NDUFA10: variants seen among roughly 807,000 people sequenced by gnomAD.
NDUFA10 encodes the protein NADH:ubiquinone oxidoreductase subunit A10, also known as NADH dehydrogenase [ubiquinone] 1 alpha subcomplex subunit 10, mitochondrial.
A neutral mutation model predicts 47.8 loss-of-function variants in NDUFA10; 40 were observed. The ratio of observed to expected loss-of-function variants is 0.84; its 90% CI spans 0.65 to 1.09. The LOEUF (loss-of-function observed/expected upper bound fraction) is 1.09. Among genes scored for constraint, NDUFA10 ranks in the 50% least tolerant of loss-of-function variants. The probability of loss-of-function intolerance (pLI) is 0.00; values close to 1 mark genes in which losing one functional copy is unlikely to be tolerated. For synonymous variants in NDUFA10, 183 were observed against 172.2 expected, an observed-to-expected ratio of 1.06 and a Z score of -0.49; for missense variants, 413 against 451.1, an observed-to-expected ratio of 0.92 and a Z score of 0.76.
chr2:239,965,048 G>A lies in NDUFA10; in HGVS notation c.1000-3862C>T, dbSNP rs1695003772. ...GACCAGCCACGCAGGTCTGTTCACA[G>A]CAGTACTGACAGAGGAAGGGCTGGG... On this transcript the variant is annotated intron_variant, in intron 9 of 9. Transcript: ENST00000252711. Among the ~76,000 whole-genome samples, 3 of 152,186 alleles carry A rather than the reference G, an allele frequency of 2.0e-5. No homozygotes were observed. In the South Asian group the frequency reaches 6.2e-4, roughly 32 times the overall value.
chr2:239,979,908 T>C (rs1222122559), intron 9 of NDUFA10, among the ~76,000 whole-genome samples: 1 of 152,094 alleles, frequency 6.6e-6, no homozygotes, highest in Admixed American at 6.6e-5. Flanking sequence ...CACCTCACCA[T>C]GACGGGCTCT....
chr2:240,014,484 C>T (rs941415121), intron 5 of NDUFA10: 88 of 512,328 alleles, frequency 1.7e-4, no homozygotes, highest in Middle Eastern at 5.6e-4. Flanking sequence ...GTTTAAACAG[C>T]TGAGGGGACT....
At chr2:239,943,926 T>C (rs1418205356) in intron 4 of NDUFA10, among the ~76,000 whole-genome samples, 1 of 152,176 alleles carries the variant, frequency 6.6e-6, no homozygotes, top group East Asian at 1.9e-4. Flanking sequence ...GCAGCGTCTG[T>C]CCCTTTTATG....
chr2:239,961,608 G>A (rs1174029130), intron 9 of NDUFA10, among the ~76,000 whole-genome samples: 2 of 152,230 alleles, frequency 1.3e-5, no homozygotes, highest in African/African-American at 4.8e-5. Context: ...CTCTGAAAAA[G>A]CCCCGCGTGA....
intron 4 of NDUFA10, among the ~76,000 whole-genome samples, chr2:239,908,193 A>T (rs2106469353): frequency 6.6e-6 from 1 of 152,162 alleles, no homozygotes; most frequent in East Asian, 1.9e-4. Context: ...TGGGAATTGA[A>T]CAATGAGAAC....
downstream of NDUFA10, among the ~76,000 whole-genome samples, chr2:239,956,896 C>A (rs1559312925): frequency 6.6e-6 from 1 of 152,206 alleles, no homozygotes; most frequent in Non-Finnish European, 1.5e-5. Flanking sequence ...TCTGCGGACA[C>A]AGAGCTTGCC....
chr2:239,952,252 C>A (rs1266150202), intron 4 of NDUFA10, among the ~76,000 whole-genome samples: 2 of 60,448 alleles, frequency 3.3e-5, no homozygotes, highest in South Asian at 1.1e-3. Context: ...AGGGAGGGGG[C>A]TGGCAGGGTG....
intron 8 of NDUFA10, among the ~76,000 whole-genome samples, chr2:239,995,557 T>A (rs540506055): frequency 3.3e-5 from 5 of 152,084 alleles, no homozygotes; most frequent in Non-Finnish European, 7.4e-5. Context: ...AAACAACAAA[T>A]GCAGCAAACA....
chr2:239,981,245 T>A (rs1695760655), intron 9 of NDUFA10, among the ~76,000 whole-genome samples: 1 of 152,168 alleles, frequency 6.6e-6, no homozygotes, highest in African/African-American at 2.4e-5. Context: ...GGACCCACTC[T>A]CACCAAATGC....
At chr2:239,998,456 C>G (rs538273815) in intron 8 of NDUFA10, among the ~76,000 whole-genome samples, 1 of 152,356 alleles carries the variant, frequency 6.6e-6, no homozygotes, top group East Asian at 1.9e-4. Flanking sequence ...TCTCAGAAAG[C>G]CTTTCCTTCG....
rs2106504620 is a variant in NDUFA10, at chr2:240,022,344, A to C, written c.76-4T>G. Reference sequence around the variant, plus strand: ...GCACACTGCTATGAATTCCTCTCTGAAAAACACAAAATCACACAGCAGCAC... The same window carrying C: ...GCACACTGCTATGAATTCCTCTCTGCAAAACACAAAATCACACAGCAGCAC... On this transcript the variant is annotated splice_polypyrimidine_tract_variant and splice_region_variant and intron_variant, in intron 1 of 9. Transcript: ENST00000252711. 1.9e-6 allele frequency: 3 copies of C among 1,614,024 alleles called. No homozygotes were observed. In the South Asian group the frequency reaches 3.3e-5, roughly 18 times the overall value.
intron 4 of NDUFA10, among the ~76,000 whole-genome samples, chr2:239,904,338 C>A (rs1379098323): frequency 6.6e-6 from 1 of 152,152 alleles, no homozygotes; most frequent in African/African-American, 2.4e-5. Flanking sequence ...CTCTCTGTCA[C>A]CCAGGTTGGA....
chr2:239,938,358 G>A (rs1367530118), intron 4 of NDUFA10, among the ~76,000 whole-genome samples: 1 of 152,234 alleles, frequency 6.6e-6, no homozygotes, highest in African/African-American at 2.4e-5. Context: ...CCTGAGGACA[G>A]ACCTCACCTG....
chr2:239,898,588 G>A (rs112506694), intron 4 of NDUFA10, among the ~76,000 whole-genome samples: 1 of 152,108 alleles, frequency 6.6e-6, no homozygotes, highest in African/African-American at 2.4e-5. Context: ...GGCAAGGAAC[G>A]CCTCTCCAGG....
chr2:239,953,703 G>GT (rs1397448618), downstream of NDUFA10, among the ~76,000 whole-genome samples: 1 of 100,114 alleles, frequency 1.0e-5, no homozygotes, highest in African/African-American at 4.7e-5. Flanking sequence ...CACCGCGAAC[G>GT]TAAGTAGCGG....
chr2:239,931,354 G>C (rs551794157), intron 4 of NDUFA10, among the ~76,000 whole-genome samples: 2 of 152,176 alleles, frequency 1.3e-5, no homozygotes, highest in African/African-American at 4.8e-5. Context: ...CCTCTCCTTC[G>C]ATGACACTTG....
At chr2:239,962,493 C>A (rs1694897676) in intron 9 of NDUFA10, among the ~76,000 whole-genome samples, 1 of 152,178 alleles carries the variant, frequency 6.6e-6, no homozygotes, top group Non-Finnish European at 1.5e-5. Context: ...ACAGGACAGG[C>A]AAAGCTCTAG....
At chr2:239,921,996 C>T (rs62181317) in intron 4 of NDUFA10, among the ~76,000 whole-genome samples, 17,838 of 81,638 alleles carry the variant, frequency 0.22, 1,660 homozygotes, top group East Asian at 0.48. Flanking sequence ...TTCCCTCCCT[C>T]CTTCCTTCTT....
At chr2:239,982,378 G>C (rs768253757) in intron 9 of NDUFA10, among the ~76,000 whole-genome samples, 1 of 152,178 alleles carries the variant, frequency 6.6e-6, no homozygotes, top group Non-Finnish European at 1.5e-5. Flanking sequence ...TTCTTCTAAC[G>C]TGTAATTATA....
Sources: gnomAD v4.1 joint callset for allele counts (sites outside exome capture counted in the v4.1 genomes callset) on GRCh38, gnomAD v4.1.1 for gene constraint, MANE v1.5 for transcripts, NCBI Gene and HGNC (gene_info 2026-07-23, HGNC 2026-07-21) for gene names.